Variants in FAF1 observed in about 807,000 individuals in gnomAD.
The protein encoded by FAF1 is Fas associated factor 1.
A neutral mutation model predicts 92.5 loss-of-function variants in FAF1; 25 were observed. That is an observed-to-expected ratio of 0.27 (90% CI 0.20 to 0.38). The LOEUF (loss-of-function observed/expected upper bound fraction) is 0.38, where lower values mean the gene tolerates loss of function less well. FAF1 is among the 10% of genes least tolerant of loss of function. The pLI is 1.00. For synonymous variants in FAF1, 234 were observed against 273.2 expected (o/e 0.86, Z 1.42); for missense variants, 636 against 793.3 (o/e 0.80, Z 2.38).
intron 2 of FAF1, among the ~76,000 whole-genome samples, chr1:50,842,357 G>C (rs1006580028): frequency 1.3e-5 from 2 of 152,010 alleles, no homozygotes; most frequent in African/African-American, 4.8e-5. Flanking sequence ...CTTTTAGCTT[G>C]CCATTTGAGG....
chr1:50,927,125 T>A (rs920870507), intron 1 of FAF1, among the ~76,000 whole-genome samples: 1 of 152,206 alleles, frequency 6.6e-6, no homozygotes, highest in Non-Finnish European at 1.5e-5. Context: ...AGTTAACGTT[T>A]AATCAATAGA....
chr1:50,746,276 ATATATATATATATATATTTTT>A (rs1172235845), intron 4 of FAF1, among the ~76,000 whole-genome samples: 3 of 20,472 alleles, frequency 1.5e-4, no homozygotes, highest in East Asian at 2.9e-3. Context: ...ATATATATAT[ATATATATATATATATATTTTT>A]TTTTTTTTTT....
At chr1:50,693,537 A>G (rs1413215719) in intron 7 of FAF1, among the ~76,000 whole-genome samples, 1 of 152,172 alleles carries the variant, frequency 6.6e-6, no homozygotes, top group Non-Finnish European at 1.5e-5. Flanking sequence ...TGTATTAGAA[A>G]GCCTTGTTAT....
rs539800837 is a variant in FAF1 at position 50,835,376 on chromosome 1, G to C, written c.114+22553C>G. 5.3e-5 allele frequency among the ~76,000 whole-genome samples: 8 copies of C among 152,188 alleles called. No homozygotes were observed. In the South Asian group the frequency reaches 1.7e-3, roughly 32 times the overall value. On this transcript the variant is annotated intron_variant, in intron 2 of 18. Transcript: ENST00000396153. ...GAAATTTGCTTATGTACATTGTAAAGAATGCAGACTTTAGAAAGTTTAAGA... is the reference window on the plus strand; with the variant it reads ...GAAATTTGCTTATGTACATTGTAAACAATGCAGACTTTAGAAAGTTTAAGA...
chr1:50,663,479 T>A (rs186844421), intron 7 of FAF1, among the ~76,000 whole-genome samples: 1 of 150,220 alleles, frequency 6.7e-6, no homozygotes, highest in Non-Finnish European at 1.5e-5. Flanking sequence ...CTCAGCTCAC[T>A]GCAACCTCCG....
chr1:50,475,701 T>G (rs1390376990), intron 17 of FAF1, 22 bp from the exon 18 acceptor site: 5 of 1,553,446 alleles, frequency 3.2e-6, no homozygotes, highest in Non-Finnish European at 4.4e-6. Context: ...AAAAACCAGG[T>G]GTTAAAATGT....
intron 8 of FAF1, among the ~76,000 whole-genome samples, chr1:50,639,263 G>T (rs1237436910): frequency 6.6e-6 from 1 of 152,162 alleles, no homozygotes; most frequent in Non-Finnish European, 1.5e-5. Context: ...AAAAATTCAA[G>T]TACAAATCTT....
At chr1:50,455,622 A>C (rs1234107122) in intron 18 of FAF1, among the ~76,000 whole-genome samples, 1 of 152,200 alleles carries the variant, frequency 6.6e-6, no homozygotes, top group Non-Finnish European at 1.5e-5. Flanking sequence ...GAATCACATA[A>C]TATCAGAGCT....
intron 1 of FAF1, among the ~76,000 whole-genome samples, chr1:50,958,333 T>C (rs1346949017): frequency 6.6e-6 from 1 of 152,180 alleles, no homozygotes; most frequent in Non-Finnish European, 1.5e-5. Context: ...CAGATTTCAC[T>C]GGGTAACCAA....
chr1:50,758,049 C>G (rs1000804972), intron 4 of FAF1, among the ~76,000 whole-genome samples: 1 of 152,242 alleles, frequency 6.6e-6, no homozygotes, highest in South Asian at 2.1e-4. Context: ...TCCCGAGTAG[C>G]TGAAATTACC....
intron 17 of FAF1, 26 bp downstream of exon 17, chr1:50,490,562 T>TA (rs1646827073): frequency 9.1e-7 from 1 of 1,100,220 alleles, no homozygotes; most frequent in Non-Finnish European, 1.3e-6. Flanking sequence ...AGCTTTTGAA[T>TA]AACTTTTCTT....
chr1:50,889,749 T>C (rs1354716224), intron 1 of FAF1, among the ~76,000 whole-genome samples: 2 of 152,242 alleles, frequency 1.3e-5, no homozygotes, highest in Non-Finnish European at 2.9e-5. Context: ...ATAATTTCTG[T>C]TCTTTTACAT....
At chr1:50,517,446 A>ACTTTGGG (rs1647258863) in intron 15 of FAF1, among the ~76,000 whole-genome samples, 1 of 152,202 alleles carries the variant, frequency 6.6e-6, no homozygotes, top group African/African-American at 2.4e-5. Context: ...AAATAACAGC[A>ACTTTGGG]ATAATAGATA....
intron 18 of FAF1, among the ~76,000 whole-genome samples, chr1:50,449,795 T>C (rs2148978761): frequency 6.6e-6 from 1 of 151,488 alleles, no homozygotes. Flanking sequence ...GCCTAACTAA[T>C]CTTTTTGGTA....
chr1:50,816,026 TA>T (rs748906242), intron 2 of FAF1, among the ~76,000 whole-genome samples: 1,958 of 132,586 alleles, frequency 0.015, 24 homozygotes, highest in African/African-American at 0.039. Context: ...GATTCCGTCT[TA>T]AAAAAAAAAA....
intron 9 of FAF1, among the ~76,000 whole-genome samples, chr1:50,594,618 G>A (rs1253739931): frequency 6.7e-6 from 1 of 149,394 alleles, no homozygotes; most frequent in Non-Finnish European, 1.5e-5. Context: ...CCAGCAATTT[G>A]GGAGGCCGGG....
intron 1 of FAF1, among the ~76,000 whole-genome samples, chr1:50,947,436 A>C (rs1645179761): frequency 2.6e-5 from 4 of 152,234 alleles, no homozygotes; most frequent in Admixed American, 6.5e-5. Flanking sequence ...CATAACCACA[A>C]GTAAATATAA....
intron 6 of FAF1, among the ~76,000 whole-genome samples, chr1:50,725,767 T>C (rs1241381935): frequency 1.3e-5 from 2 of 152,142 alleles, no homozygotes; most frequent in Non-Finnish European, 2.9e-5. Flanking sequence ...AAAAGCCATA[T>C]ATTTTAACAC....
At chr1:50,724,094 T>A (rs549711935) in intron 6 of FAF1, among the ~76,000 whole-genome samples, 1 of 152,160 alleles carries the variant, frequency 6.6e-6, no homozygotes, top group African/African-American at 2.4e-5. Flanking sequence ...CCAAGCATGA[T>A]GGCACATGCC....
Sources: gnomAD v4.1 joint callset for allele counts (sites outside exome capture counted in the v4.1 genomes callset) on GRCh38, gnomAD v4.1.1 for gene constraint, MANE v1.5 for transcripts, NCBI Gene and HGNC (gene_info 2026-07-23, HGNC 2026-07-21) for gene names.